IFNG-AS1: variants seen among roughly 807,000 people sequenced by gnomAD.
IFNG-AS1 encodes IFNG regulatory antisense RNA 1.
chr12:67,993,661 T>C (rs896965813), intron 1 of IFNG-AS1, among the ~76,000 whole-genome samples: 6 of 152,202 alleles, frequency 3.9e-5, no homozygotes, highest in African/African-American at 1.2e-4. Flanking sequence ...TGAACATATA[T>C]TATTTTTATG....
intron 3 of IFNG-AS1, among the ~76,000 whole-genome samples, chr12:68,011,746 G>A (rs990745901): frequency 1.3e-5 from 2 of 152,128 alleles, no homozygotes; most frequent in African/African-American, 4.8e-5. Flanking sequence ...AAAGTGAGAG[G>A]ATCAGCAAGG....
At chr12:68,013,502 A>T (rs1350806403) in intron 3 of IFNG-AS1, 6 of 152,184 alleles carry the variant, frequency 3.9e-5, no homozygotes, top group Non-Finnish European at 8.8e-5. Flanking sequence ...CTTTAATTTC[A>T]CCTACTGATC....
chr12:67,992,612 A>G (rs1337285247), intron 1 of IFNG-AS1, among the ~76,000 whole-genome samples: 1 of 152,210 alleles, frequency 6.6e-6, no homozygotes, highest in African/African-American at 2.4e-5. Context: ...GTATGTTTAC[A>G]TGCTATAAAA....
chr12:67,994,778 T>C (rs1223676349), intron 1 of IFNG-AS1, among the ~76,000 whole-genome samples: 1 of 152,190 alleles, frequency 6.6e-6, no homozygotes, highest in Admixed American at 6.5e-5. Context: ...TGAAGCATCA[T>C]AAGTGATGAA....
At chr12:67,998,106 T>C (rs1879683862) in intron 2 of IFNG-AS1, among the ~76,000 whole-genome samples, 1 of 152,108 alleles carries the variant, frequency 6.6e-6, no homozygotes, top group Admixed American at 6.5e-5. Context: ...CATACACTTA[T>C]TTTTTAATTC....
intron 3 of IFNG-AS1, among the ~76,000 whole-genome samples, chr12:68,018,449 CA>C (rs1880206310): frequency 6.6e-6 from 1 of 152,102 alleles, no homozygotes; most frequent in African/African-American, 2.4e-5. Flanking sequence ...AAGCTACAGC[CA>C]ATGTATAGAA....
chr12:68,014,032 C>T (rs1296526158), intron 3 of IFNG-AS1, among the ~76,000 whole-genome samples: 1 of 152,206 alleles, frequency 6.6e-6, no homozygotes, highest in Non-Finnish European at 1.5e-5. Flanking sequence ...TCAGGGAGAA[C>T]ATATGATGTT....
chr12:68,006,494 A>G (rs540839748), intron 3 of IFNG-AS1, among the ~76,000 whole-genome samples: 192 of 152,202 alleles, frequency 1.3e-3, no homozygotes, highest in African/African-American at 3.8e-3. Flanking sequence ...AGACATACCC[A>G]TTGCGCTATT....
chr12:67,994,766 G>C (rs1879596169), intron 1 of IFNG-AS1, among the ~76,000 whole-genome samples: 1 of 152,192 alleles, frequency 6.6e-6, no homozygotes, highest in South Asian at 2.1e-4. Flanking sequence ...GGTGCAGTAA[G>C]ATGAAGCATC....
chr12:68,019,219 C>T (rs991496337), intron 3 of IFNG-AS1, among the ~76,000 whole-genome samples: 5 of 152,062 alleles, frequency 3.3e-5, no homozygotes, highest in South Asian at 2.1e-4. Context: ...TCTTTAGTTC[C>T]GTGCTCATTA....
chr12:68,004,631 C>T (rs1034270299), intron 2 of IFNG-AS1, among the ~76,000 whole-genome samples: 2 of 152,236 alleles, frequency 1.3e-5, no homozygotes, highest in African/African-American at 4.8e-5. Flanking sequence ...TCCTTCTCTA[C>T]AGCCTCTGTG....
chr12:68,007,601 T>G (rs1879934137), intron 3 of IFNG-AS1, among the ~76,000 whole-genome samples: 2 of 152,250 alleles, frequency 1.3e-5, no homozygotes, highest in South Asian at 4.1e-4. Context: ...TCCCCTAAGA[T>G]TCAAATATCA....
At chr12:68,001,300 A>G (rs2120435250) in intron 2 of IFNG-AS1, 1 of 158,236 alleles carries the variant, frequency 6.3e-6, no homozygotes, top group South Asian at 1.8e-4. Flanking sequence ...CATGTCCCAC[A>G]GTACAGATAG....
At chr12:68,020,857 C>G (rs761832891) in intron 4 of IFNG-AS1, 2 of 152,290 alleles carry the variant, frequency 1.3e-5, no homozygotes, top group East Asian at 3.9e-4. Context: ...ACTTTTGACA[C>G]ACATCCTCTA....
intron 3 of IFNG-AS1, among the ~76,000 whole-genome samples, chr12:68,007,935 T>C (rs1879942426): frequency 6.6e-6 from 1 of 152,204 alleles, no homozygotes; most frequent in Admixed American, 6.5e-5. Flanking sequence ...AAGTGAAGCT[T>C]CTTCTGAAGC....
At chr12:68,016,208 C>A (rs1477123569) in intron 3 of IFNG-AS1, among the ~76,000 whole-genome samples, 3 of 152,078 alleles carry the variant, frequency 2.0e-5, no homozygotes, top group African/African-American at 7.2e-5. Context: ...TTACAGGTGA[C>A]CTCAGATCTC....
chr12:68,011,475 G>C (rs376605397), intron 3 of IFNG-AS1, among the ~76,000 whole-genome samples: 3 of 152,110 alleles, frequency 2.0e-5, no homozygotes, highest in African/African-American at 4.8e-5. Context: ...AATGCAAAAA[G>C]CGTTACATTT....
intron 1 of IFNG-AS1, among the ~76,000 whole-genome samples, chr12:67,995,556 C>A (rs1217128163): frequency 1.3e-5 from 2 of 151,284 alleles, no homozygotes; most frequent in Non-Finnish European, 2.9e-5. Flanking sequence ...CCCTGTCTCT[C>A]CTAAAAATAC....
chr12:68,004,255 A>T (rs1879855869), intron 2 of IFNG-AS1, among the ~76,000 whole-genome samples: 1 of 152,204 alleles, frequency 6.6e-6, no homozygotes, highest in Non-Finnish European at 1.5e-5. Flanking sequence ...ACTTGTCAAT[A>T]TTCAGTACTA....
Sources: allele counts gnomAD v4.1 joint callset (sites outside exome capture counted in the v4.1 genomes callset), GRCh38; gene constraint gnomAD v4.1.1; transcripts MANE v1.5; gene names NCBI Gene and HGNC (gene_info 2026-07-23, HGNC 2026-07-21).